MAGI1: variants seen among roughly 807,000 people sequenced by gnomAD.
The protein encoded by MAGI1 is membrane associated guanylate kinase, WW and PDZ domain containing 1.
Under a neutral mutation model 139.9 loss-of-function variants are expected in MAGI1, and 58 were observed. The observed-to-expected ratio is 0.41, with a 90% confidence interval of 0.34 to 0.52. The LOEUF (loss-of-function observed/expected upper bound fraction) is 0.52. Ranked by LOEUF, MAGI1 falls within the 20% of genes least tolerant of loss-of-function variation. The pLI is 0.12. For missense variants in MAGI1, 1,874 were observed against 1,901.6 expected (o/e 0.99, Z 0.27); for synonymous variants, 812 against 737.9 (o/e 1.10, Z -1.63).
intron 5 of MAGI1, among the ~76,000 whole-genome samples, chr3:65,460,554 T>TA (rs988320761): frequency 6.6e-6 from 1 of 152,108 alleles, no homozygotes; most frequent in African/African-American, 2.4e-5. Context: ...TCTTCTTTTT[T>TA]AAAAAAATTA....
intron 2 of MAGI1, among the ~76,000 whole-genome samples, chr3:65,506,791 G>A (rs1310942254): frequency 6.6e-6 from 1 of 152,160 alleles, no homozygotes; most frequent in Non-Finnish European, 1.5e-5. Flanking sequence ...TATTTATTGA[G>A]CAAATATTAT....
At chr3:65,695,271 G>A (rs909947777) in intron 1 of MAGI1, among the ~76,000 whole-genome samples, 7 of 152,318 alleles carry the variant, frequency 4.6e-5, no homozygotes, top group East Asian at 1.9e-4. Flanking sequence ...AGACTGTTGG[G>A]ACAAAGTTCG....
chr3:65,775,700 A>C (rs1295523296), intron 1 of MAGI1, among the ~76,000 whole-genome samples: 1 of 151,898 alleles, frequency 6.6e-6, no homozygotes, highest in Non-Finnish European at 1.5e-5. Context: ...CAGCATTTTC[A>C]GAGGCGGAGG....
Position 65,448,095 on chromosome 3 carries a change from G to A in MAGI1, c.1043-38C>T, listed in dbSNP as rs1313197615. The A allele has an allele frequency of 3.7e-6, 6 of 1,606,852 alleles. No homozygotes were observed. In the Admixed American group the frequency reaches 5.0e-5, roughly 13 times the overall value. Reference sequence around the variant, plus strand: ...AATAGCAGGAATGAGACAGAAAAGAGAGAAAGCAAAATTCAGACACCAGCA... The same window carrying A: ...AATAGCAGGAATGAGACAGAAAAGAAAGAAAGCAAAATTCAGACACCAGCA... On this transcript the variant is annotated intron_variant, in intron 6 of 22. Transcript: ENST00000402939.
rs144533064 is a variant in MAGI1, at chr3:65,822,441, T to G, written c.314-200353A>C. Reference sequence around the variant, plus strand: ...TACTCCGGAGGCTGAGCCAGAAAAATCACTTGAACCCAGGAGGCGGAGGTC... The same window carrying G: ...TACTCCGGAGGCTGAGCCAGAAAAAGCACTTGAACCCAGGAGGCGGAGGTC... On this transcript the variant is annotated intron_variant, in intron 1 of 22. Transcript: ENST00000402939. 5.7e-4 allele frequency among the ~76,000 whole-genome samples: 87 copies of G among 151,960 alleles called. 2 individuals are homozygous for G. The highest frequency in any genetic ancestry group is 2.0e-3 in the African/African-American group (84 of 41,442).
At position 65,365,233 on chromosome 3, in the gene MAGI1, T is replaced by A. The variant is rs373827298; in HGVS notation, c.3197-287A>T. 1.1e-4 allele frequency: 67 copies of A among 599,770 alleles called. 2 individuals are homozygous for A. Among genetic ancestry groups the A allele is most frequent in the Admixed American group, 5.6e-4 (30 of 53,492 alleles). 37.2% of individuals were successfully genotyped at this position (599,770 alleles called of 1,614,324 possible). On this transcript the variant is annotated intron_variant, in intron 18 of 22. Coordinates refer to ENST00000402939, the MANE Select transcript of MAGI1 (RefSeq NM_001033057.2). ...CTGCTCTAAAATTCTAGCCAAGGTA[T>A]ATGTTTCTCACTCCTCCCCTGCCAC...
chr3:65,800,857 G>A (rs1379588691), intron 1 of MAGI1, among the ~76,000 whole-genome samples: 1 of 151,848 alleles, frequency 6.6e-6, no homozygotes, highest in African/African-American at 2.4e-5. Context: ...ACAGTTTATT[G>A]TTCCTGTTAG....
chr3:65,590,402 C>T (rs766675183), intron 2 of MAGI1, among the ~76,000 whole-genome samples: 31 of 152,214 alleles, frequency 2.0e-4, no homozygotes, highest in Non-Finnish European at 3.7e-4. Flanking sequence ...AAGATTTCAA[C>T]TTGGTACTCC....
chr3:65,612,177 T>C (rs891668355), intron 2 of MAGI1, among the ~76,000 whole-genome samples: 1 of 152,094 alleles, frequency 6.6e-6, no homozygotes, highest in African/African-American at 2.4e-5. Flanking sequence ...CAAACTATAA[T>C]TGTTTGATTA....
At chr3:65,477,711 A>ATT (rs60679864) in intron 4 of MAGI1, among the ~76,000 whole-genome samples, 20,058 of 141,144 alleles carry the variant, frequency 0.14, 1,533 homozygotes, top group Middle Eastern at 0.18. Flanking sequence ...TATTATTATT[A>ATT]TTTTTTTTTT....
At chr3:65,990,573 T>G (rs2066119232) in intron 1 of MAGI1, among the ~76,000 whole-genome samples, 1 of 152,164 alleles carries the variant, frequency 6.6e-6, no homozygotes, top group Admixed American at 6.6e-5. Context: ...TGAGCCGGTT[T>G]GCCTCTTAGC....
intron 13 of MAGI1, among the ~76,000 whole-genome samples, chr3:65,393,859 C>A (rs561697149): frequency 1.8e-4 from 28 of 152,326 alleles, no homozygotes; most frequent in African/African-American, 6.5e-4. Context: ...GGGTTATTGG[C>A]AGTTTCTGTT....
At chr3:65,788,975 C>G (rs1028164296) in intron 1 of MAGI1, among the ~76,000 whole-genome samples, 1 of 152,054 alleles carries the variant, frequency 6.6e-6, no homozygotes, top group African/African-American at 2.4e-5. Context: ...GCCAGGAGTT[C>G]AAGACCAGCC....
intron 1 of MAGI1, among the ~76,000 whole-genome samples, chr3:65,963,780 T>C (rs1308908817): frequency 1.3e-5 from 2 of 152,134 alleles, no homozygotes; most frequent in African/African-American, 4.8e-5. Flanking sequence ...AGGAGAAAAA[T>C]TTCATAAAGA....
intron 1 of MAGI1, among the ~76,000 whole-genome samples, chr3:65,806,084 T>A (rs1404838603): frequency 6.6e-6 from 1 of 152,120 alleles, no homozygotes. Flanking sequence ...ACATGTATCC[T>A]GGAACTTAAA....
intron 1 of MAGI1, among the ~76,000 whole-genome samples, chr3:65,903,712 A>C (rs962331673): frequency 3.3e-5 from 5 of 152,210 alleles, no homozygotes; most frequent in African/African-American, 1.2e-4. Flanking sequence ...AATCAGGCAC[A>C]GAAAATAATT....
intron 5 of MAGI1, among the ~76,000 whole-genome samples, chr3:65,464,338 T>G (rs954022054): frequency 6.6e-6 from 1 of 152,154 alleles, no homozygotes; most frequent in Non-Finnish European, 1.5e-5. Flanking sequence ...GATTGTTAAT[T>G]TGAGACTTTT....
intron 2 of MAGI1, among the ~76,000 whole-genome samples, chr3:65,521,988 C>G (rs982182483): frequency 1.3e-5 from 2 of 152,042 alleles, no homozygotes; most frequent in Middle Eastern, 6.3e-3. Context: ...TCCCAAATCT[C>G]TATTATAACA....
intron 1 of MAGI1, among the ~76,000 whole-genome samples, chr3:65,919,839 T>C (rs1367126929): frequency 6.6e-6 from 1 of 152,168 alleles, no homozygotes; most frequent in Non-Finnish European, 1.5e-5. Context: ...AACTACTGCT[T>C]TGAACACTAG....
Sources: gnomAD v4.1 joint callset for allele counts (sites outside exome capture counted in the v4.1 genomes callset) on GRCh38, gnomAD v4.1.1 for gene constraint, MANE v1.5 for transcripts, NCBI Gene and HGNC (gene_info 2026-07-23, HGNC 2026-07-21) for gene names.